MAPK10: variants seen among roughly 807,000 people sequenced by gnomAD.
MAPK10 encodes the protein mitogen-activated protein kinase 10, also known as JNK3 alpha protein kinase.
MAPK10 carries 25 observed loss-of-function variants against 59.3 expected under a neutral mutation model. The observed-to-expected ratio is 0.42, with a 90% CI of 0.31 to 0.59. The LOEUF is 0.59. Ranked by LOEUF, MAPK10 falls within the 20% of genes least tolerant of loss-of-function variation. The probability of loss-of-function intolerance (pLI) is 0.15; values close to 1 mark genes in which losing one functional copy is unlikely to be tolerated. For synonymous variants in MAPK10, 190 were observed against 200.5 expected, an observed-to-expected ratio of 0.95 and a Z score of 0.44; for missense variants, 351 against 568.9, an observed-to-expected ratio of 0.62 and a Z score of 3.90.
At chr4:86,395,650 T>C (rs569937271) in intron 1 of MAPK10, among the ~76,000 whole-genome samples, 24 of 152,264 alleles carry the variant, frequency 1.6e-4, no homozygotes, top group Non-Finnish European at 2.6e-4. Context: ...CAGAATATTA[T>C]AGACTGGTGG....
At chr4:86,406,197 A>G (rs1314955783) in intron 1 of MAPK10, among the ~76,000 whole-genome samples, 1 of 152,174 alleles carries the variant, frequency 6.6e-6, no homozygotes, top group East Asian at 1.9e-4. Context: ...AAGCCTTCCA[A>G]TAGCTTACAG....
chr4:86,229,868 C>T (rs1475566829), intron 2 of MAPK10, among the ~76,000 whole-genome samples: 1 of 151,200 alleles, frequency 6.6e-6, no homozygotes, highest in Admixed American at 6.6e-5. Context: ...CCAGCCTGGG[C>T]AACATAGTGA....
chr4:86,097,335 C>T (rs4414944), intron 9 of MAPK10, among the ~76,000 whole-genome samples: 3,987 of 152,042 alleles, frequency 0.026, 174 homozygotes, highest in African/African-American at 0.091. Flanking sequence ...AGAATGAATA[C>T]ATACCTACCT....
chr4:86,462,766 AATT>A (rs1302667065), intron 1 of MAPK10, among the ~76,000 whole-genome samples: 3 of 152,182 alleles, frequency 2.0e-5, no homozygotes, highest in Admixed American at 6.5e-5. Context: ...CACAAGTTCT[AATT>A]CTAGAACAGT....
rs1225414188 is a variant in MAPK10 at position 86,193,157 on chromosome 4, G to GAAAAA, written c.66+1178_66+1179insTTTTT. On this transcript the variant is annotated intron_variant, in intron 3 of 13. Coordinates refer to ENST00000641462, the MANE Select transcript of MAPK10 (RefSeq NM_138982.4). ...CTTCCTCTGGAAGCTTTTTTCAGAG[G>GAAAAA]GGCACCTGCCAGATGCCAGCTGGAG... 1.9e-5 allele frequency: 3 copies of GAAAAA among 155,522 alleles called. No homozygotes were observed. The Admixed American group carries it at 2.0e-4, about 10-fold the overall frequency. The allele number at this position is 155,522 out of a possible 1,614,324, so 9.6% of individuals were successfully genotyped here. A position where few individuals can be genotyped will look rare whatever the true frequency, so the allele number is the denominator to read the frequency against.
chr4:86,136,332 A>C (rs1301300998), intron 4 of MAPK10, among the ~76,000 whole-genome samples: 1 of 152,184 alleles, frequency 6.6e-6, no homozygotes, highest in Non-Finnish European at 1.5e-5. Context: ...CTAACAGTGG[A>C]TCTCTCAGCA....
intron 3 of MAPK10, among the ~76,000 whole-genome samples, chr4:86,182,924 G>A (rs1399018463): frequency 1.3e-5 from 2 of 151,812 alleles, no homozygotes; most frequent in Non-Finnish European, 2.9e-5. Flanking sequence ...TTATTCCTTT[G>A]CTTTAAAAGA....
intron 2 of MAPK10, among the ~76,000 whole-genome samples, chr4:86,347,735 A>G (rs1729030692): frequency 6.6e-6 from 1 of 152,098 alleles, no homozygotes; most frequent in South Asian, 2.1e-4. Context: ...TACATGGTGG[A>G]AAATACTAGC....
chr4:86,437,575 TTG>T (rs1748917116), intron 1 of MAPK10, among the ~76,000 whole-genome samples: 1 of 152,216 alleles, frequency 6.6e-6, no homozygotes, highest in Non-Finnish European at 1.5e-5. Context: ...TCCTTTACTG[TTG>T]TGTCTTTGTC....
intron 1 of MAPK10, chr4:86,356,440 AT>A: frequency 1.4e-6 from 1 of 699,054 alleles, no homozygotes; most frequent in Non-Finnish European, 1.8e-6. Context: ...AAATGTTTAT[AT>A]TTAGTGATTT....
intron 2 of MAPK10, among the ~76,000 whole-genome samples, chr4:86,214,896 A>G (rs7695707): frequency 0.19 from 29,238 of 152,000 alleles, 3,476 homozygotes; most frequent in African/African-American, 0.33. Context: ...TGATTTTTGC[A>G]AAAACAGACA....
chr4:86,173,524 A>G (rs1278779917), intron 3 of MAPK10, among the ~76,000 whole-genome samples: 1 of 152,134 alleles, frequency 6.6e-6, no homozygotes, highest in African/African-American at 2.4e-5. Context: ...AACCTTAAAA[A>G]CCCTAGAAGA....
intron 13 of MAPK10, among the ~76,000 whole-genome samples, chr4:86,021,534 GCTGGCTTCAC>G (rs1346729542): frequency 8.5e-5 from 13 of 152,380 alleles, no homozygotes; most frequent in African/African-American, 3.1e-4. Context: ...CAGGAGCCCA[GCTGGCTTCAC>G]CTAGTGGATC....
intron 3 of MAPK10, among the ~76,000 whole-genome samples, chr4:86,182,574 C>A (rs1353445917): frequency 6.6e-6 from 1 of 152,054 alleles, no homozygotes; most frequent in Non-Finnish European, 1.5e-5. Context: ...CATAAAGGAT[C>A]TGTGAGATGC....
At position 86,075,965 on chromosome 4, in the gene MAPK10, G is replaced by A. The variant is rs559198537; in HGVS notation, c.803-8010C>T. 1.1e-4 allele frequency among the ~76,000 whole-genome samples: 16 copies of A among 152,022 alleles called. No homozygotes were observed. The South Asian group carries it at 3.1e-3, about 30-fold the overall frequency. On this transcript the variant is annotated intron_variant, in intron 9 of 13. Coordinates refer to ENST00000641462, the MANE Select transcript of MAPK10 (RefSeq NM_138982.4). ...CTGCTTTGTTTACCTAAGCAAGCCT[G>A]GGCAATGGCGGGCGCCCCTCCCCCA...
chr4:86,593,324 TCAGGTACCCTTTC>T (rs1190969257), intron 1 of MAPK10, among the ~76,000 whole-genome samples: 1 of 152,230 alleles, frequency 6.6e-6, no homozygotes, highest in Non-Finnish European at 1.5e-5. Context: ...AAATTTATCT[TCAGGTACCCTTTC>T]CAGAGTGGAC....
At chr4:86,365,219 G>T (rs375726497) in intron 1 of MAPK10, among the ~76,000 whole-genome samples, 1 of 151,826 alleles carries the variant, frequency 6.6e-6, no homozygotes, top group African/African-American at 2.4e-5. Context: ...ATCACTTGAG[G>T]TAAGGAGTTT....
intron 2 of MAPK10, among the ~76,000 whole-genome samples, chr4:86,222,620 T>G (rs1223302660): frequency 6.6e-6 from 1 of 152,230 alleles, no homozygotes; most frequent in African/African-American, 2.4e-5. Flanking sequence ...TTTATAGCCT[T>G]TGCAGACCAG....
chr4:86,551,472 A>T (rs759422544), intron 1 of MAPK10, among the ~76,000 whole-genome samples: 16 of 152,206 alleles, frequency 1.1e-4, no homozygotes, highest in Non-Finnish European at 1.9e-4. Flanking sequence ...CTGATAAAGT[A>T]TACTCTTCAA....
Sources: allele counts gnomAD v4.1 joint callset (sites outside exome capture counted in the v4.1 genomes callset), GRCh38; gene constraint gnomAD v4.1.1; transcripts MANE v1.5; gene names NCBI Gene and HGNC (gene_info 2026-07-23, HGNC 2026-07-21).